The following UROS variants were observed in gnomAD, a reference collection of about 807,000 sequenced individuals.
The protein encoded by UROS is uroporphyrinogen III synthase.
UROS carries 18 observed loss-of-function variants against 33.0 expected under a neutral mutation model. That is an observed-to-expected ratio of 0.55 (90% CI 0.38 to 0.81). The LOEUF (loss-of-function observed/expected upper bound fraction) is 0.81, where lower values mean the gene tolerates loss of function less well. Among genes scored for constraint, UROS ranks in the 30% least tolerant of loss-of-function variants. The probability of loss-of-function intolerance (pLI) is 0.00; values close to 1 mark genes in which losing one functional copy is unlikely to be tolerated. For synonymous variants in UROS, 114 were observed against 121.1 expected, an observed-to-expected ratio of 0.94 and a Z score of 0.38; for missense variants, 293 against 314.9, an observed-to-expected ratio of 0.93 and a Z score of 0.53.
rs1852440168 is a variant in UROS at position 125,807,529 on chromosome 10, G to A, written c.320-42C>T. The stretch of plus-strand genomic sequence containing the variant: ...AAATGTATTTCTTAACACGGTTATT[G>A]AAGTCCTTTTGTTCCAGCGTTATTT... On this transcript the variant is annotated intron_variant, in intron 5 of 9. Coordinates refer to ENST00000368797, the MANE Select transcript of UROS (RefSeq NM_000375.3). 3.3e-6 allele frequency: 5 copies of A among 1,509,902 alleles called. No individual in the cohort carries two copies. In the African/African-American group the frequency reaches 4.1e-5, roughly 12 times the overall value. 93.5% of individuals were successfully genotyped at this position (1,509,902 alleles called of 1,614,324 possible).
intron 6 of UROS, among the ~76,000 whole-genome samples, chr10:125,804,410 T>C (rs1435775424): frequency 1.3e-5 from 2 of 152,346 alleles, no homozygotes; most frequent in Admixed American, 6.5e-5. Flanking sequence ...TGGCTGTTTA[T>C]CTGTGTCCTT....
intron 6 of UROS, chr10:125,803,109 T>C: frequency 6.3e-7 from 1 of 1,595,138 alleles, no homozygotes; most frequent in South Asian, 1.1e-5. Context: ...GGAAGAGCTT[T>C]GGAGTCAGCC....
chr10:125,791,696 T>C (rs569464060), intron 9 of UROS: 111 of 152,250 alleles, frequency 7.3e-4, no homozygotes, highest in African/African-American at 2.5e-3. Context: ...AACACTATGC[T>C]AGTGAAAAGA....
chr10:125,811,925 T>C (rs1852851865), intron 5 of UROS, among the ~76,000 whole-genome samples: 1 of 152,152 alleles, frequency 6.6e-6, no homozygotes, highest in South Asian at 2.1e-4. Context: ...TGGCATTATG[T>C]ACATTCACAA....
chr10:125,805,951 G>A (rs1164182633), intron 6 of UROS, among the ~76,000 whole-genome samples: 1 of 152,230 alleles, frequency 6.6e-6, no homozygotes, highest in Non-Finnish European at 1.5e-5. Context: ...GAGCCCAGCA[G>A]TATCTCTGCT....
intron 3 of UROS, among the ~76,000 whole-genome samples, chr10:125,815,402 G>T (rs1298664662): frequency 2.0e-5 from 3 of 152,184 alleles, no homozygotes; most frequent in African/African-American, 7.2e-5. Context: ...AGGGTGATAA[G>T]TGCACTGCAG....
At chr10:125,796,380 A>G (rs1851365248) in intron 7 of UROS, among the ~76,000 whole-genome samples, 192 bp from the exon 8 acceptor site, 1 of 152,210 alleles carries the variant, frequency 6.6e-6, no homozygotes, top group Admixed American at 6.5e-5. Context: ...AACGCTGTGG[A>G]GTGGTCCGGT....
intron 6 of UROS, among the ~76,000 whole-genome samples, chr10:125,803,520 T>C (rs1185856007): frequency 6.6e-6 from 1 of 152,180 alleles, no homozygotes. Context: ...AAGGGATAAA[T>C]TTCAGAGACA....
chr10:125,812,488 T>C (rs1029477607), intron 4 of UROS, among the ~76,000 whole-genome samples, 200 bp from the exon 5 acceptor site: 2 of 152,236 alleles, frequency 1.3e-5, no homozygotes, highest in Admixed American at 6.5e-5. Context: ...ATTGCTTTCA[T>C]AAATGTTTTA....
intron 9 of UROS, 27 bp from the exon 10 acceptor site, chr10:125,789,032 C>G: frequency 1.9e-6 from 3 of 1,612,182 alleles, no homozygotes; most frequent in Middle Eastern, 1.7e-4. Context: ...GAAAACAGGG[C>G]TTCAGCACAC....
At chr10:125,802,639 A>G (rs1030432162) in intron 6 of UROS, 9 of 1,105,694 alleles carry the variant, frequency 8.1e-6, no homozygotes, top group Non-Finnish European at 9.9e-6. Context: ...TTTCTACCAC[A>G]GATTACAGTC....
chr10:125,816,536 G>A lies in UROS; in HGVS notation c.-26-11C>T. On this transcript the variant is annotated splice_polypyrimidine_tract_variant and intron_variant, in intron 1 of 9. Coordinates refer to ENST00000368797, the MANE Select transcript of UROS (RefSeq NM_000375.3). ...AGTCCTTATAGGGCACTGCGACAGA[G>A]CAAGGAAACAGATCTTAATTAGATC... The A allele has an allele frequency of 6.2e-7, 1 of 1,613,790 alleles. No individual in the cohort carries two copies. Among genetic ancestry groups the A allele is most frequent in the South Asian group, 1.1e-5 (1 of 91,080 alleles).
chr10:125,797,363 A>G (rs1271173686), intron 7 of UROS, among the ~76,000 whole-genome samples: 1 of 152,224 alleles, frequency 6.6e-6, no homozygotes, highest in East Asian at 1.9e-4. Flanking sequence ...ACAGATAACC[A>G]TATTTCACAG....
At chr10:125,804,207 T>C (rs1321321799) in intron 6 of UROS, among the ~76,000 whole-genome samples, 12 of 152,136 alleles carry the variant, frequency 7.9e-5, no homozygotes, top group African/African-American at 2.2e-4. Context: ...GGGTTGGAGA[T>C]GGAGCTAGTC....
intron 5 of UROS, among the ~76,000 whole-genome samples, chr10:125,810,789 T>G (rs954288470): frequency 6.6e-6 from 1 of 152,230 alleles, no homozygotes; most frequent in Non-Finnish European, 1.5e-5. Flanking sequence ...TTATTATATC[T>G]GAAAAGGTGA....
chr10:125,802,527 C>A (rs1321933105), intron 6 of UROS: 2 of 993,682 alleles, frequency 2.0e-6, no homozygotes, highest in Non-Finnish European at 2.4e-6. Context: ...AGGGCTTCTC[C>A]ACACTGGTGC....
chr10:125,807,307 T>C, intron 6 of UROS, 106 bp downstream of exon 6: 1 of 977,020 alleles, frequency 1.0e-6, no homozygotes, highest in South Asian at 1.4e-5. Context: ...CACCAATCAA[T>C]CTCACCACCA....
At chr10:125,797,769 GC>G (rs869236309) in intron 7 of UROS, among the ~76,000 whole-genome samples, 3 of 123,464 alleles carry the variant, frequency 2.4e-5, no homozygotes, top group East Asian at 2.2e-4. Flanking sequence ...TCAGTTATCT[GC>G]CCAGGGGCCA....
At chr10:125,797,498 T>C (rs1201424012) in intron 7 of UROS, among the ~76,000 whole-genome samples, 1 of 152,216 alleles carries the variant, frequency 6.6e-6, no homozygotes, top group Non-Finnish European at 1.5e-5. Context: ...AAACCACTGA[T>C]AGACTTTGCT....
Sources: allele counts gnomAD v4.1 joint callset (sites outside exome capture counted in the v4.1 genomes callset), GRCh38; gene constraint gnomAD v4.1.1; transcripts MANE v1.5; gene names NCBI Gene and HGNC (gene_info 2026-07-23, HGNC 2026-07-21).